Variants in ENTREP1 observed in about 807,000 individuals in gnomAD.
ENTREP1 encodes the protein Friedreich ataxia region gene X123.
At chr9:69,333,095 C>T in the ENTREP1 span, among the ~76,000 whole-genome samples, 1 of 152,082 alleles carries the variant, frequency 6.6e-6, no homozygotes, top group Non-Finnish European at 1.5e-5. Context: ...ACAAAAATTA[C>T]ATCCCTGTGA....
chr9:69,328,096 A>C, the ENTREP1 span, among the ~76,000 whole-genome samples: 1 of 152,180 alleles, frequency 6.6e-6, no homozygotes, highest in Admixed American at 6.5e-5. Context: ...CGATGAACCC[A>C]CATATACCTT....
chr9:69,353,459 AT>A, the ENTREP1 span, among the ~76,000 whole-genome samples: 271 of 152,342 alleles, frequency 1.8e-3, 6 homozygotes, highest in East Asian at 0.023. Context: ...AAAGTTGCAG[AT>A]TTCATGGTGA....
the ENTREP1 span, among the ~76,000 whole-genome samples, chr9:69,376,565 A>G: frequency 6.6e-6 from 1 of 152,134 alleles, no homozygotes; most frequent in African/African-American, 2.4e-5. Context: ...TTGAGAGTCC[A>G]CTTCTGCCGG....
the ENTREP1 span, among the ~76,000 whole-genome samples, chr9:69,389,991 CA>C: frequency 6.6e-6 from 1 of 152,168 alleles, no homozygotes; most frequent in Non-Finnish European, 1.5e-5. Flanking sequence ...GTAAGAACAC[CA>C]GAAGGAGGTA....
chr9:69,374,019 C>T, the ENTREP1 span, among the ~76,000 whole-genome samples: 173 of 152,220 alleles, frequency 1.1e-3, no homozygotes, highest in African/African-American at 4.1e-3. Context: ...TTCAGGCAGT[C>T]TCTACTCTCT....
chr9:69,387,325 T>G, the ENTREP1 span: 1 of 152,506 alleles, frequency 6.6e-6, no homozygotes, highest in Non-Finnish European at 1.5e-5. Context: ...GCTTCTTGTC[T>G]TCTTTGAATT....
At chr9:69,375,913 C>T in the ENTREP1 span, 2 of 1,563,132 alleles carry the variant, frequency 1.3e-6, no homozygotes, top group African/African-American at 1.4e-5. Flanking sequence ...CACGGAGCCC[C>T]CAAAGAAGGC....
the ENTREP1 span, among the ~76,000 whole-genome samples, chr9:69,330,559 A>G: frequency 2.2e-4 from 33 of 152,368 alleles, no homozygotes; most frequent in Non-Finnish European, 3.7e-4. Flanking sequence ...GTGAATAAAC[A>G]TAAAGAAAAA....
chr9:69,373,735 C>T, the ENTREP1 span, among the ~76,000 whole-genome samples: 1 of 152,118 alleles, frequency 6.6e-6, no homozygotes, highest in South Asian at 2.1e-4. Flanking sequence ...TTGTTCTCAG[C>T]AGTATCTTTT....
chr9:69,365,900 A>T, the ENTREP1 span, among the ~76,000 whole-genome samples: 1 of 152,280 alleles, frequency 6.6e-6, no homozygotes, highest in South Asian at 2.1e-4. Context: ...ATGTGTATAT[A>T]TACCATATAT....
the ENTREP1 span, chr9:69,375,670 C>T: frequency 2.3e-6 from 3 of 1,297,068 alleles, no homozygotes; most frequent in Non-Finnish European, 3.3e-6. Flanking sequence ...ATTGGTGCTC[C>T]ATGGTAGAGC....
the ENTREP1 span, among the ~76,000 whole-genome samples, chr9:69,331,294 G>A: frequency 6.6e-6 from 1 of 152,132 alleles, no homozygotes; most frequent in Non-Finnish European, 1.5e-5. Flanking sequence ...ACAAGTTAAT[G>A]GATTAGCAAA....
the ENTREP1 span, among the ~76,000 whole-genome samples, chr9:69,350,734 G>A: frequency 6.6e-6 from 1 of 152,072 alleles, no homozygotes; most frequent in Admixed American, 6.5e-5. Flanking sequence ...TGAATAATAG[G>A]CTGGATATAG....
At chr9:69,391,549 C>T in the ENTREP1 span, 2 of 1,510,834 alleles carry the variant, frequency 1.3e-6, no homozygotes, top group South Asian at 1.1e-5. Flanking sequence ...GTCAAAGGGC[C>T]ACATCTGGTA....
the ENTREP1 span, chr9:69,388,333 G>A: frequency 6.2e-7 from 1 of 1,614,184 alleles, no homozygotes; most frequent in Non-Finnish European, 8.5e-7. Context: ...TCCTGGAGCA[G>A]TCCTCTTGTA....
At chr9:69,379,267 A>G in the ENTREP1 span, among the ~76,000 whole-genome samples, 5 of 152,240 alleles carry the variant, frequency 3.3e-5, no homozygotes, top group African/African-American at 1.2e-4. Context: ...GCTGCCACCC[A>G]GACACTGTTA....
At chr9:69,340,595 ATGCATG>A in the ENTREP1 span, among the ~76,000 whole-genome samples, 1 of 145,588 alleles carries the variant, frequency 6.9e-6, no homozygotes, top group Non-Finnish European at 1.5e-5. Flanking sequence ...GTATGTGTGC[ATGCATG>A]TGTGTGTGTG....
the ENTREP1 span, among the ~76,000 whole-genome samples, chr9:69,346,046 G>A: frequency 2.0e-5 from 3 of 151,412 alleles, no homozygotes; most frequent in African/African-American, 7.3e-5. Context: ...CAGTGGTGGC[G>A]ATCTTGGCTT....
the ENTREP1 span, among the ~76,000 whole-genome samples, chr9:69,327,914 G>A: frequency 1.9e-5 from 2 of 106,164 alleles, no homozygotes; most frequent in Admixed American, 1.0e-4. Flanking sequence ...AGTAGATACT[G>A]TATTTATAGA....
Sources: allele counts gnomAD v4.1 joint callset (sites outside exome capture counted in the v4.1 genomes callset), GRCh38; gene constraint gnomAD v4.1.1; transcripts MANE v1.5; gene names NCBI Gene and HGNC (gene_info 2026-07-23, HGNC 2026-07-21).